The following LRP1B variants were observed in gnomAD, a reference collection of about 807,000 sequenced individuals.
LRP1B encodes LDL receptor related protein 1B.
LRP1B carries 217 observed loss-of-function variants against 556.6 expected under a neutral mutation model. That is an observed-to-expected ratio of 0.39 (90% confidence interval 0.35 to 0.44). The LOEUF (loss-of-function observed/expected upper bound fraction) is 0.44, where lower values mean the gene tolerates loss of function less well. Among genes scored for constraint, LRP1B ranks in the 20% least tolerant of loss-of-function variants. The probability of loss-of-function intolerance (pLI) is 1.00; values close to 1 mark genes in which losing one functional copy is unlikely to be tolerated. For missense variants in LRP1B, 5,053 were observed against 5,620.8 expected, an observed-to-expected ratio of 0.90 and a Z score of 3.23; for synonymous variants, 2,047 against 1,865.8, an observed-to-expected ratio of 1.10 and a Z score of -2.50.
At chr2:141,353,624 T>C (rs1455754888) in intron 3 of LRP1B, among the ~76,000 whole-genome samples, 1 of 152,004 alleles carries the variant, frequency 6.6e-6, no homozygotes, top group Non-Finnish European at 1.5e-5. Flanking sequence ...AGCTTATGGA[T>C]GAGAAGTTCA....
intron 42 of LRP1B, among the ~76,000 whole-genome samples, chr2:140,600,766 G>GTTT (rs1558996101): frequency 1.3e-3 from 62 of 46,198 alleles, no homozygotes; most frequent in African/African-American, 4.8e-3. Flanking sequence ...TGTTCTTCGG[G>GTTT]GTTTTTTTTT....
intron 3 of LRP1B, among the ~76,000 whole-genome samples, chr2:141,298,203 AC>A (rs1686253662): frequency 6.6e-6 from 1 of 152,220 alleles, no homozygotes; most frequent in South Asian, 2.1e-4. Flanking sequence ...GAAACAAATG[AC>A]TATAGAAAGT....
intron 18 of LRP1B, among the ~76,000 whole-genome samples, chr2:140,973,052 T>TTATATATATATATATATATATATATA (rs200336213): frequency 1.4e-5 from 2 of 138,586 alleles, no homozygotes; most frequent in East Asian, 4.5e-4. Flanking sequence ...ATATTTCATT[T>TTATATATATATATATATATATATATA]TATATATATA....
At chr2:141,484,144 G>T (rs974311210) in intron 2 of LRP1B, among the ~76,000 whole-genome samples, 3 of 149,774 alleles carry the variant, frequency 2.0e-5, no homozygotes, top group Admixed American at 1.3e-4. Flanking sequence ...TTTGTATAAG[G>T]TGTAAGTAAG....
At chr2:140,733,737 C>A (rs1687854058) in intron 35 of LRP1B, among the ~76,000 whole-genome samples, 1 of 152,176 alleles carries the variant, frequency 6.6e-6, no homozygotes, top group South Asian at 2.1e-4. Context: ...AGGAAACTTT[C>A]TAAAGTGATA....
chr2:140,489,225 T>C (rs991371698), intron 57 of LRP1B, among the ~76,000 whole-genome samples: 37 of 152,034 alleles, frequency 2.4e-4, no homozygotes, highest in African/African-American at 8.9e-4. Context: ...TAGCTTAAAA[T>C]GAGCAATCTC....
intron 83 of LRP1B, among the ~76,000 whole-genome samples, chr2:140,306,352 G>A (rs189335674): frequency 0.017 from 2,580 of 151,862 alleles, 78 homozygotes; most frequent in African/African-American, 0.06. Flanking sequence ...GTCTATTCAG[G>A]GATTCAACTT....
rs139509190 is a variant in LRP1B at position 141,871,051 on chromosome 2, GT to G, written c.83-60651del. Among the ~76,000 whole-genome samples, 730 of 151,972 alleles carry G rather than the reference GT, an allele frequency of 4.8e-3. 7 individuals are homozygous for G. The highest frequency in any genetic ancestry group is 0.017 in the African/African-American group (709 of 41,512). Reference sequence around the variant, plus strand: ...TGAACACCCACTGATCATTCTGGATGTTAAGACTTGAATAAAATGTTTCTGG... The same window carrying G: ...TGAACACCCACTGATCATTCTGGATGTAAGACTTGAATAAAATGTTTCTGG... On this transcript the variant is annotated intron_variant, in intron 1 of 90. Coordinates refer to ENST00000389484, the MANE Select transcript of LRP1B (RefSeq NM_018557.3).
At chr2:141,672,201 A>G (rs112933974) in intron 2 of LRP1B, among the ~76,000 whole-genome samples, 1 of 152,098 alleles carries the variant, frequency 6.6e-6, no homozygotes, top group Non-Finnish European at 1.5e-5. Flanking sequence ...CTTCTACTAC[A>G]GACAACTAGA....
At chr2:141,057,549 G>A (rs1699212660) in intron 9 of LRP1B, among the ~76,000 whole-genome samples, 1 of 151,762 alleles carries the variant, frequency 6.6e-6, no homozygotes, top group South Asian at 2.1e-4. Context: ...CATGGGGGCA[G>A]GTCTTTCCCA....
chr2:140,552,938 C>T (rs943142527), intron 43 of LRP1B, among the ~76,000 whole-genome samples: 51 of 152,214 alleles, frequency 3.4e-4, no homozygotes, highest in African/African-American at 1.2e-3. Context: ...CTTGGAACTT[C>T]ACTGGTGCCT....
chr2:140,261,421 A>G (rs748224992), intron 86 of LRP1B, among the ~76,000 whole-genome samples: 8 of 151,930 alleles, frequency 5.3e-5, no homozygotes, highest in Non-Finnish European at 4.4e-5. Flanking sequence ...ATTGGATATA[A>G]TATTTCTAAT....
intron 3 of LRP1B, among the ~76,000 whole-genome samples, chr2:141,403,996 T>G (rs1009238761): frequency 6.6e-6 from 1 of 152,010 alleles, no homozygotes; most frequent in Admixed American, 6.6e-5. Flanking sequence ...TTTGGCATTC[T>G]TCTTTCTGGA....
At chr2:141,386,804 T>C (rs1689848678) in intron 3 of LRP1B, among the ~76,000 whole-genome samples, 1 of 151,978 alleles carries the variant, frequency 6.6e-6, no homozygotes, top group African/African-American at 2.4e-5. Flanking sequence ...TCAATAATAA[T>C]TAGTACATCT....
At chr2:141,153,216 CAT>C (rs1441309349) in intron 7 of LRP1B, among the ~76,000 whole-genome samples, 1 of 133,664 alleles carries the variant, frequency 7.5e-6, no homozygotes, top group Non-Finnish European at 1.5e-5. Context: ...TTAGAAGGCA[CAT>C]ATATATATTA....
At chr2:140,935,392 A>C (rs2105277783) in intron 20 of LRP1B, among the ~76,000 whole-genome samples, 1 of 152,238 alleles carries the variant, frequency 6.6e-6, no homozygotes, top group South Asian at 2.1e-4. Context: ...ACAATAACTA[A>C]AATGAAAAAT....
chr2:141,996,083 C>A (rs1702480896), intron 1 of LRP1B, among the ~76,000 whole-genome samples: 1 of 152,050 alleles, frequency 6.6e-6, no homozygotes, highest in Non-Finnish European at 1.5e-5. Flanking sequence ...GAAAGTCTGT[C>A]TCTACTCAAA....
At chr2:140,893,511 G>A (rs1693859809) in intron 23 of LRP1B, among the ~76,000 whole-genome samples, 1 of 152,144 alleles carries the variant, frequency 6.6e-6, no homozygotes, top group Admixed American at 6.6e-5. Flanking sequence ...ACATCTCTTA[G>A]CCACAACCTC....
At chr2:141,357,543 T>C (rs560363221) in intron 3 of LRP1B, among the ~76,000 whole-genome samples, 2 of 152,306 alleles carry the variant, frequency 1.3e-5, no homozygotes, top group South Asian at 4.1e-4. Context: ...TTTATAATTA[T>C]GATATCAAGA....
Sources: gnomAD v4.1 joint callset for allele counts (sites outside exome capture counted in the v4.1 genomes callset) on GRCh38, gnomAD v4.1.1 for gene constraint, MANE v1.5 for transcripts, NCBI Gene and HGNC (gene_info 2026-07-23, HGNC 2026-07-21) for gene names.